Variants in TTN observed in about 807,000 individuals in gnomAD.
TTN encodes titin.
In TTN, 1,525 loss-of-function variants were observed where a neutral mutation model predicts 3,223.0. The ratio of observed to expected loss-of-function variants is 0.47; its 90% CI spans 0.45 to 0.49. The LOEUF is 0.49. TTN is among the 20% of genes least tolerant of loss of function. TTN has a pLI of 0.00. For missense variants in TTN, 40,786 were observed against 43,424.0 expected (o/e 0.94, Z 5.40); for synonymous variants, 14,094 against 15,161.0 (o/e 0.93, Z 5.17).
rs371112260 is a variant in TTN, at chr2:178,728,312, C to T, written c.19512G>A (p.Val6504=). ...LGSSIHMECK[V]SGSLPISAQW... ...GAGCACTAATGGGAAGTGAACCAGA[C>T]ACCTTGCACTCCATATGAATAGAAG... The change falls in exon 67 of 363, where the codon GTG becomes GTA. Residue 6504 remains valine, a synonymous_variant. Coordinates refer to ENST00000589042, the MANE Select transcript of TTN (RefSeq NM_001267550.2). 1.9e-6 allele frequency: 3 copies of T among 1,613,076 alleles called. No individual in the cohort carries two copies. In the South Asian group the frequency reaches 3.3e-5, roughly 18 times the overall value.
Position 178,538,551 on chromosome 2 carries a change from G to C in TTN, c.99278C>G (p.Thr33093Ser), listed in dbSNP as rs777386197. Residue 33093 changes from threonine to serine, a missense_variant, in exon 354 of 363, where the codon ACT becomes AGT. Transcript: ENST00000589042. ...CAAAGGCTACTTACATGTGAGTTTA[G>C]TCTTTATAGACATAGCAGTTCTGCG... is the stretch of plus-strand genomic sequence containing the variant. The part of the protein sequence containing the change: ...RPRRTAMSIK[T>S]KLTSGEAPGI... 29 of 1,609,992 alleles carry C rather than the reference G, an allele frequency of 1.8e-5. No individual in the cohort carries two copies. The highest frequency in any genetic ancestry group is 2.5e-5 in the Non-Finnish European group (29 of 1,177,932).
In TTN at chr2:178,578,995, A is replaced by G. The variant is rs763134196; in HGVS notation, c.68035T>C (p.Tyr22679His). Residue 22679 changes from tyrosine to histidine, a missense_variant, in exon 320 of 363, where the codon TAT (tyrosine) becomes CAT (histidine). Physicochemically the swap from Tyr to His is moderately conservative, Grantham distance 83. Coordinates refer to ENST00000589042, the MANE Select transcript of TTN (RefSeq NM_001267550.2). ...KDDGGSEITN[Y>H]ILEKRDSVNN... ...ACAGAATCCCTCTTCTCTAGGATAT[A>G]GTTGGTGATTTCAGAACCTCCATCA... 2.5e-6 allele frequency: 4 copies of G among 1,613,216 alleles called. No individual in the cohort carries two copies. Among genetic ancestry groups the G allele is most frequent in the Non-Finnish European group, 3.4e-6 (4 of 1,179,494 alleles).
Position 178,581,957 on chromosome 2 carries a change from G to A in TTN, c.66412C>T (p.Pro22138Ser), listed in dbSNP as rs759290401. The A allele has an allele frequency of 6.2e-7, 1 of 1,613,264 alleles. No individual in the cohort carries two copies. Among genetic ancestry groups the A allele is most frequent in the Non-Finnish European group, 8.5e-7 (1 of 1,179,486 alleles). Residue 22138 changes from proline to serine, a missense_variant, in exon 315 of 363, where the codon CCA becomes TCA. Physicochemically the swap from Pro to Ser is moderately conservative, Grantham distance 74. Transcript: ENST00000589042. The stretch of plus-strand genomic sequence containing the variant: ...TTGGATGCGTCACTGGGTTTGCCTG[G>A]TCCAGCTTTATTTATAGCTGTAACA... ...FRVTAINKAG[P>S]GKPSDASKAA...
rs767681708 is a variant in TTN at position 178,723,119 on chromosome 2, A to G, written c.21888T>C (p.Asp7296=). 1.2e-6 allele frequency: 2 copies of G among 1,613,512 alleles called. No individual in the cohort carries two copies. The highest frequency in any genetic ancestry group is 3.3e-5 in the Admixed American group (2 of 59,970). Residue 7296 remains aspartate (D), a synonymous_variant, in exon 75 of 363, where the codon GAT becomes GAC. Transcript: ENST00000589042. The part of the protein sequence containing the change: ...ILEILNSTKR[D]AGQYSCEIEN... Reference sequence around the variant, plus strand: ...CAATCTCGCAGGAATACTGCCCTGCATCTCTTTTTGTGCTATTCAGAATTT... The same window carrying G: ...CAATCTCGCAGGAATACTGCCCTGCGTCTCTTTTTGTGCTATTCAGAATTT...
chr2:178,629,321 T>C lies in TTN; in HGVS notation c.44404A>G (p.Lys14802Glu). The C allele has an allele frequency of 1.9e-6, 3 of 1,612,754 alleles. No homozygotes were observed. Among genetic ancestry groups the C allele is most frequent in the Non-Finnish European group, 2.5e-6 (3 of 1,179,226 alleles). Residue 14802 changes from lysine to glutamate, a missense_variant, in exon 240 of 363, where the codon AAA becomes GAA. Transcript: ENST00000589042. ...IPVEWYLKGK[K>E]LEPSDKVVPR... ...TTTACCTTATCGCTGGGCTCTAGTT[T>C]CTTCCCTTTGAGATACCATTCCACT...
intron 47 of TTN, among the ~76,000 whole-genome samples, chr2:178,744,186 GC>G (rs1271274189): frequency 6.6e-6 from 1 of 151,920 alleles, no homozygotes; most frequent in East Asian, 1.9e-4. Flanking sequence ...ATTGCTAAAT[GC>G]AGGTGACAAA....
rs763250975 is a variant in TTN at position 178,581,570 on chromosome 2, T to C, written c.66698A>G (p.Tyr22233Cys). The C allele has an allele frequency of 1.2e-6, 2 of 1,612,674 alleles. No homozygotes were observed. Among genetic ancestry groups the C allele is most frequent in the Non-Finnish European group, 1.7e-6 (2 of 1,179,128 alleles). The change falls in exon 316 of 363, where the codon TAT becomes TGT. Residue 22233 changes from tyrosine (Y) to cysteine (C), a missense_variant. Transcript: ENST00000589042. ...MEDTQYQFRVYAVNKIGYSDP... is the reference protein window; with the variant it reads ...MEDTQYQFRVCAVNKIGYSDP... ...ACTGTATCCAATCTTATTAACGGCA[T>C]ACACACGGAATTGATATTGTGTGTC...
chr2:178,698,835 T>C lies in TTN; in HGVS notation c.30754+8A>G, dbSNP rs1060503958. 2 of 1,540,812 alleles carry C rather than the reference T, an allele frequency of 1.3e-6. No homozygotes were observed. Among genetic ancestry groups the C allele is most frequent in the Non-Finnish European group, 1.7e-6 (2 of 1,144,448 alleles). On this transcript the variant is annotated splice_region_variant and intron_variant, in intron 112 of 362. Coordinates refer to ENST00000589042, the MANE Select transcript of TTN (RefSeq NM_001267550.2). ...GTGTTAAGACTGCTTTTTGATTAAT[T>C]ATAATACCTTCACGTGGTGTCATCT...
In TTN at chr2:178,777,468, GGGCAA is replaced by G. The variant is rs1131691910; in HGVS notation, c.4592_4596del (p.Val1531AlafsTer42). 6.2e-7 allele frequency: 1 copy of G among 1,613,712 alleles called. No individual in the cohort carries two copies. Among genetic ancestry groups the G allele is most frequent in the African/African-American group, 1.3e-5 (1 of 74,956 alleles). ...ATTGAAGATCTGCCTGCCCTGTTTT[GGGCAA>G]CCACAGTCCATTCCCCAGAATCACT... On this transcript the variant is annotated frameshift_variant, in exon 26 of 363. Coordinates refer to ENST00000589042, the MANE Select transcript of TTN (RefSeq NM_001267550.2). LOFTEE classifies it high-confidence loss of function.
Position 178,663,849 on chromosome 2 carries a change from G to T in TTN, c.36418C>A (p.Pro12140Thr). The T allele has an allele frequency of 1.2e-6, 2 of 1,613,428 alleles. No individual in the cohort carries two copies. Among genetic ancestry groups the T allele is most frequent in the Non-Finnish European group, 1.7e-6 (2 of 1,179,816 alleles). The change falls in exon 170 of 363, where the codon CCT becomes ACT. Residue 12140 changes from proline to threonine, a missense_variant. Transcript: ENST00000589042. ...IREEKVPLAP[P>T]KEPEVPPVKV... ...ACAGGTGGGACTTCAGGCTCTTTAGGAGGAGCCAAGGGCACTTTCTCTTCG... is the reference window on the plus strand; with the variant it reads ...ACAGGTGGGACTTCAGGCTCTTTAGTAGGAGCCAAGGGCACTTTCTCTTCG...
intron 213 of TTN, among the ~76,000 whole-genome samples, chr2:178,648,640 C>T (rs2062412727): frequency 6.6e-6 from 1 of 152,136 alleles, no homozygotes; most frequent in Non-Finnish European, 1.5e-5. Context: ...GAACTCCTGA[C>T]CTCAAGTGAT....
Position 178,545,520 on chromosome 2 carries a change from A to G in TTN, c.95590T>C (p.Tyr31864His). The change falls in exon 344 of 363, where the codon TAT becomes CAT. Residue 31864 changes from tyrosine to histidine, a missense_variant. Physicochemically the swap from Tyr to His is moderately conservative, Grantham distance 83 (BLOSUM62 2). Transcript: ENST00000589042. ...CTGGTCACCTTCAGCCTGGTATCAT[A>G]CACCACATAGTCTTTGTTGACACGT... ...WTRVNKDYVV[Y>H]DTRLKVTSLM... 2 of 1,613,678 alleles carry G rather than the reference A, an allele frequency of 1.2e-6. No homozygotes were observed. The highest frequency in any genetic ancestry group is 8.5e-7 in the Non-Finnish European group (1 of 1,179,680).
rs878952929 is a variant in TTN, at chr2:178,528,689, A to T, written c.107062T>A (p.Cys35688Ser). ...TTGCTCAGTGTCAAATCATACTGAC[A>T]CTTGACGATTCCTTCCTTGGTTTTG... ...ISKTKEGIVK[C>S]QYDLTLSKEL... The change falls in exon 360 of 363, where the codon TGT becomes AGT. Residue 35688 changes from cysteine to serine, a missense_variant. By Grantham distance (112) the Cys-to-Ser change is moderately radical. Transcript: ENST00000589042. 1 of 1,613,540 alleles carries T rather than the reference A, an allele frequency of 6.2e-7. No homozygotes were observed. Among genetic ancestry groups the T allele is most frequent in the African/African-American group, 1.3e-5 (1 of 75,050 alleles).
chr2:178,778,798 C>G, intron 24 of TTN, 76 bp downstream of exon 24: 1 of 1,593,872 alleles, frequency 6.3e-7, no homozygotes, highest in Admixed American at 1.7e-5. Context: ...TCTTCTTACA[C>G]AATAGCAATT....
In TTN at chr2:178,636,887, C is replaced by T. The variant is rs1050374407; in HGVS notation, c.40928-88G>A. The T allele has an allele frequency of 1.5e-5, 21 of 1,403,336 alleles. No homozygotes were observed. Among genetic ancestry groups the T allele is most frequent in the African/African-American group, 4.3e-5 (3 of 69,596 alleles). The allele number at this position is 1,403,336 out of a possible 1,614,324, so 86.9% of individuals were successfully genotyped here. On this transcript the variant is annotated intron_variant, in intron 224 of 362. Transcript: ENST00000589042. This position sits in a 1 kb window ranked among gnomAD's most constrained non-coding sequence, Gnocchi z 4.3. ...TGGCTGCCTGCTGGATAAAACCAGCCGTAAAGCAATTAGAAGACGAGAAAA... is the reference window on the plus strand; with the variant it reads ...TGGCTGCCTGCTGGATAAAACCAGCTGTAAAGCAATTAGAAGACGAGAAAA...
Position 178,741,575 on chromosome 2 carries a change from AT to A in TTN, c.11657del (p.Asp3886ValfsTer22), listed in dbSNP as rs397517826. On this transcript the variant is annotated frameshift_variant, in exon 48 of 363. Coordinates refer to ENST00000589042, the MANE Select transcript of TTN (RefSeq NM_001267550.2). LOFTEE classifies it high-confidence loss of function. Reference protein sequence around the residue: ...SLIILFTKLEDEGEYTCMASN... With the variant: ...SLIILFTKLEXEGEYTCMASN... The stretch of plus-strand genomic sequence containing the variant: ...TGGCCATACATGTATACTCTCCCTC[AT>A]CCTCCAATTTGGTGAACAGAATGAT... 3 of 1,613,850 alleles carry A rather than the reference AT, an allele frequency of 1.9e-6. No individual in the cohort carries two copies. The highest frequency in any genetic ancestry group is 2.5e-6 in the Non-Finnish European group (3 of 1,179,820).
intron 310 of TTN, 36 bp from the exon 311 acceptor site, chr2:178,584,614 A>G (rs377637968): frequency 8.7e-6 from 14 of 1,610,226 alleles, no homozygotes; most frequent in African/African-American, 4.0e-5. Flanking sequence ...CAGTTTCTAC[A>G]TTAAGTAACA....
Position 178,795,032 on chromosome 2 carries a change from TC to T in TTN, c.1134del (p.Arg379AspfsTer8). 6.2e-7 allele frequency: 1 copy of T among 1,612,910 alleles called. No homozygotes were observed. The highest frequency in any genetic ancestry group is 1.3e-5 in the African/African-American group (1 of 75,060). The stretch of plus-strand genomic sequence containing the variant: ...GTCACTTGCTCCTGGACACCGTATC[TC>T]CCTTCCCATCTCTCTTCTGTCCTGA... ...TQIRTEERWE[G>X]RYGVQEQVTI... On this transcript the variant is annotated frameshift_variant, in exon 7 of 363. Transcript: ENST00000589042. LOFTEE classifies it high-confidence loss of function.
chr2:178,597,809 G>T lies in TTN; in HGVS notation c.57273C>A (p.Asp19091Glu). The T allele has an allele frequency of 6.2e-7, 1 of 1,613,144 alleles. No homozygotes were observed. Among genetic ancestry groups the T allele is most frequent in the Non-Finnish European group, 8.5e-7 (1 of 1,179,544 alleles). Residue 19091 changes from aspartate to glutamate, a missense_variant, in exon 294 of 363, where the codon GAC becomes GAA. Coordinates refer to ENST00000589042, the MANE Select transcript of TTN (RefSeq NM_001267550.2). ...CTCTGACACTGGCATCTAGCTGAAG[G>T]TCAGGTGAAACTGGAAGCAATTGAA... ...IEMKDRLVSPDLQLDASVRDR... is the reference protein window; with the variant it reads ...IEMKDRLVSPELQLDASVRDR...
Sources: allele counts gnomAD v4.1 joint callset (sites outside exome capture counted in the v4.1 genomes callset), GRCh38; gene constraint gnomAD v4.1.1; non-coding constraint Gnocchi (gnomAD v3.1); transcripts MANE v1.5; gene names NCBI Gene and HGNC (gene_info 2026-07-23, HGNC 2026-07-21).